The following FREM2 variants were observed in gnomAD, a reference collection of about 807,000 sequenced individuals.
The protein encoded by FREM2 is FRAS1 related extracellular matrix 2.
In FREM2, 119 loss-of-function variants were observed where a neutral mutation model predicts 219.9. The observed-to-expected ratio is 0.54, with a 90% CI of 0.47 to 0.63. The LOEUF is 0.63. Ranked by LOEUF, FREM2 falls within the 30% of genes least tolerant of loss-of-function variation. The pLI is 0.00. For missense variants in FREM2, 4,030 were observed against 3,993.6 expected (o/e 1.01, Z -0.25); for synonymous variants, 1,562 against 1,522.8 (o/e 1.03, Z -0.60).
At chr13:38,703,153 G>A (rs1870407725) in intron 2 of FREM2, among the ~76,000 whole-genome samples, 1 of 152,076 alleles carries the variant, frequency 6.6e-6, no homozygotes, top group Non-Finnish European at 1.5e-5. Flanking sequence ...GCTTGAAAAT[G>A]ACCAATAACT....
rs559712560 is a variant in FREM2 at position 38,703,166 on chromosome 13, G to T, written c.5263+5379G>T. 3.9e-5 allele frequency among the ~76,000 whole-genome samples: 6 copies of T among 152,102 alleles called. No homozygotes were observed. The East Asian group carries it at 5.8e-4, about 15-fold the overall frequency. ...TTGCTTGAAAATGACCAATAACTTT[G>T]GGGTTTAAGGCAAAATAATTACTGA... is the stretch of plus-strand genomic sequence containing the variant. On this transcript the variant is annotated intron_variant, in intron 2 of 23. Coordinates refer to ENST00000280481, the MANE Select transcript of FREM2 (RefSeq NM_207361.6).
chr13:38,694,851 A>G (rs1397672052), intron 1 of FREM2, among the ~76,000 whole-genome samples: 3 of 152,136 alleles, frequency 2.0e-5, no homozygotes, highest in Non-Finnish European at 4.4e-5. Flanking sequence ...TGTCTCAAGT[A>G]CCTGGATTTT....
intron 6 of FREM2, among the ~76,000 whole-genome samples, chr13:38,803,785 T>G (rs1300783041): frequency 6.7e-6 from 1 of 149,464 alleles, no homozygotes; most frequent in African/African-American, 2.5e-5. Flanking sequence ...GGCAACATGG[T>G]GAGCTCTGTG....
Position 38,688,657 on chromosome 13 carries a change from C to G in FREM2, c.1313C>G (p.Ala438Gly), listed in dbSNP as rs774072026. Residue 438 changes from alanine to glycine, a missense_variant, in exon 1 of 24, where the codon GCT becomes GGT. By Grantham distance (60) the Ala-to-Gly change is moderately conservative. Coordinates refer to ENST00000280481, the MANE Select transcript of FREM2 (RefSeq NM_207361.6). ...MVVVKPMNTMAPVVTRNTGLI... is the reference protein window; with the variant it reads ...MVVVKPMNTMGPVVTRNTGLI... ...GTGGTGAAGCCCATGAACACAATGG[C>G]TCCGGTGGTCACCCGGAATACCGGT... is the stretch of plus-strand genomic sequence containing the variant. The G allele has an allele frequency of 6.2e-7, 1 of 1,614,154 alleles. No homozygotes were observed. The highest frequency in any genetic ancestry group is 8.5e-7 in the Non-Finnish European group (1 of 1,180,008).
At chr13:38,729,967 T>C (rs1344052642) in intron 2 of FREM2, among the ~76,000 whole-genome samples, 1 of 152,212 alleles carries the variant, frequency 6.6e-6, no homozygotes, top group South Asian at 2.1e-4. Flanking sequence ...CTCTATGAAG[T>C]AGAGAGAGCA....
At chr13:38,728,302 A>G (rs556825905) in intron 2 of FREM2, among the ~76,000 whole-genome samples, 12 of 152,268 alleles carry the variant, frequency 7.9e-5, no homozygotes, top group East Asian at 1.9e-4. Flanking sequence ...TTAAAACTCT[A>G]GGGCTGAGTA....
At chr13:38,814,285 A>G (rs774805264) in intron 6 of FREM2, among the ~76,000 whole-genome samples, 3 of 152,142 alleles carry the variant, frequency 2.0e-5, no homozygotes, top group Admixed American at 6.5e-5. Context: ...TTGAAGAGTT[A>G]GGTATTTATT....
chr13:38,740,714 G>A (rs1188673632), intron 2 of FREM2, among the ~76,000 whole-genome samples: 7 of 152,146 alleles, frequency 4.6e-5, no homozygotes, highest in Admixed American at 4.6e-4. Flanking sequence ...AATTTTAATT[G>A]CAAATAGAAA....
At chr13:38,743,367 A>T (rs780648165) in intron 2 of FREM2, among the ~76,000 whole-genome samples, 1 of 151,702 alleles carries the variant, frequency 6.6e-6, no homozygotes, top group Non-Finnish European at 1.5e-5. Context: ...GATTTCTTAT[A>T]TTTGCCTCAC....
chr13:38,801,947 C>T (rs771895901), intron 6 of FREM2, among the ~76,000 whole-genome samples: 3 of 152,200 alleles, frequency 2.0e-5, no homozygotes, highest in African/African-American at 4.8e-5. Context: ...AGATTGGGCA[C>T]GCACATATGG....
chr13:38,687,290 G>C lies in FREM2; in HGVS notation c.-55G>C. The C allele has an allele frequency of 1.3e-6, 2 of 1,555,918 alleles. No individual in the cohort carries two copies. The highest frequency in any genetic ancestry group is 1.7e-6 in the Non-Finnish European group (2 of 1,149,740). ...GGCGGTGTCTCTTGTTGTCTGCCCG[G>C]GGACCGACTTCGCATGCTCTCAGGC... On this transcript the variant is annotated 5_prime_UTR_variant, in exon 1 of 24. Coordinates refer to ENST00000280481, the MANE Select transcript of FREM2 (RefSeq NM_207361.6).
intron 16 of FREM2, among the ~76,000 whole-genome samples, chr13:38,870,720 A>T (rs928893890): frequency 6.6e-6 from 1 of 152,176 alleles, no homozygotes; most frequent in Non-Finnish European, 1.5e-5. Flanking sequence ...TCCAAAAATG[A>T]TCAAGCTCTA....
At position 38,688,133 on chromosome 13, in the gene FREM2, C is replaced by T; in HGVS notation, c.789C>T (p.Gly263=). 6.2e-7 allele frequency: 1 copy of T among 1,613,386 alleles called. No homozygotes were observed. The highest frequency in any genetic ancestry group is 1.1e-5 in the South Asian group (1 of 91,082). The part of the protein sequence containing the change: ...LMDCKAFQEL[G]VRYRHTAASR... ...ACTGCAAAGCTTTCCAGGAACTAGGCGTGCGCTATCGCCACACAGCCGCCA... is the reference window on the plus strand; with the variant it reads ...ACTGCAAAGCTTTCCAGGAACTAGGTGTGCGCTATCGCCACACAGCCGCCA... The change falls in exon 1 of 24, where the codon GGC becomes GGT. Residue 263 remains glycine (G), a synonymous_variant. Transcript: ENST00000280481.
intron 6 of FREM2, among the ~76,000 whole-genome samples, chr13:38,802,663 A>G (rs4445773): frequency 0.71 from 107,402 of 152,088 alleles, 37,974 homozygotes; most frequent in Middle Eastern, 0.74. Flanking sequence ...CAGCTCCAGG[A>G]TAAGACACAG....
At chr13:38,817,780 A>G (rs1182073915) in intron 6 of FREM2, among the ~76,000 whole-genome samples, 1 of 152,144 alleles carries the variant, frequency 6.6e-6, no homozygotes, top group Non-Finnish European at 1.5e-5. Flanking sequence ...AACCTACAGA[A>G]TGGGAGAAAA....
At position 38,690,422 on chromosome 13, in the gene FREM2, G is replaced by C. The variant is rs1869777588; in HGVS notation, c.3078G>C (p.Leu1026Phe). 1 of 1,614,062 alleles carries C rather than the reference G, an allele frequency of 6.2e-7. No individual in the cohort carries two copies. The highest frequency in any genetic ancestry group is 1.1e-5 in the South Asian group (1 of 91,084). ...ACACCAGTGGTGAGATAGGCCTATTGCCTAAAGCGGATTCTTTTAACCTGA... is the reference window on the plus strand; with the variant it reads ...ACACCAGTGGTGAGATAGGCCTATTCCCTAAAGCGGATTCTTTTAACCTGA... The part of the protein sequence containing the change: ...YTHTSGEIGL[L>F]PKADSFNLSL... Residue 1026 changes from leucine (L) to phenylalanine (F), a missense_variant, in exon 1 of 24, where the codon TTG (leucine) becomes TTC (phenylalanine). Around this residue, in one of 2 missense-constraint regions of FREM2, gnomAD observed 3,102 missense variants for 2,950.7 expected, o/e 1.05. Transcript: ENST00000280481.
intron 2 of FREM2, among the ~76,000 whole-genome samples, chr13:38,752,367 C>A (rs1238090667): frequency 6.6e-6 from 1 of 152,082 alleles, no homozygotes; most frequent in Non-Finnish European, 1.5e-5. Flanking sequence ...CCGCTGAAAA[C>A]AAATAGAGCT....
Position 38,689,783 on chromosome 13 carries a change from G to A in FREM2, c.2439G>A (p.Val813=). The part of the protein sequence containing the change: ...QFQVEDRAGN[V]APGTFTLYLH... The stretch of plus-strand genomic sequence containing the variant: ...AGGTGGAAGACCGAGCTGGGAATGT[G>A]GCTCCAGGTACCTTTACCCTTTACT... Residue 813 remains valine, a synonymous_variant, in exon 1 of 24, where the codon GTG becomes GTA. Coordinates refer to ENST00000280481, the MANE Select transcript of FREM2 (RefSeq NM_207361.6). The A allele has an allele frequency of 1.2e-6, 2 of 1,613,744 alleles. No homozygotes were observed. Among genetic ancestry groups the A allele is most frequent in the South Asian group, 1.1e-5 (1 of 91,008 alleles).
At chr13:38,710,768 G>A (rs908286651) in intron 2 of FREM2, among the ~76,000 whole-genome samples, 1 of 152,164 alleles carries the variant, frequency 6.6e-6, no homozygotes, top group Non-Finnish European at 1.5e-5. Context: ...TGCATGTGGA[G>A]TAACTTCAGA....
Sources: gnomAD v4.1 joint callset for allele counts (sites outside exome capture counted in the v4.1 genomes callset) on GRCh38, gnomAD v4.1.1 for gene constraint, gnomAD v4.1.1 regional missense constraint, MANE v1.5 for transcripts, NCBI Gene and HGNC (gene_info 2026-07-23, HGNC 2026-07-21) for gene names.